The following RASGEF1C variants were observed in gnomAD, a reference collection of about 807,000 sequenced individuals.
RASGEF1C encodes the protein ras-GEF domain-containing family member 1C.
In RASGEF1C, 27 loss-of-function variants were observed where a neutral mutation model predicts 58.1. The ratio of observed to expected loss-of-function variants is 0.46; its 90% CI spans 0.34 to 0.64. The LOEUF is 0.64. Ranked by LOEUF, RASGEF1C falls within the 30% of genes least tolerant of loss-of-function variation. RASGEF1C has a pLI of 0.01. For missense variants in RASGEF1C, 502 were observed against 605.1 expected (o/e 0.83, Z 1.79); for synonymous variants, 243 against 246.3 (o/e 0.99, Z 0.13).
chr5:180,119,817 C>T (rs977561271), intron 7 of RASGEF1C, among the ~76,000 whole-genome samples: 1 of 152,242 alleles, frequency 6.6e-6, no homozygotes, highest in Non-Finnish European at 1.5e-5. Flanking sequence ...TGGGCTTTCT[C>T]CTCTCACTGG....
rs963321089 is a variant in RASGEF1C, at chr5:180,137,045, C to T, written c.301-530G>A. On this transcript the variant is annotated intron_variant, in intron 3 of 13. Transcript: ENST00000361132. The surrounding 1 kb of genome is among the most constrained non-coding windows in gnomAD (Gnocchi z 4.1). ...CAGCCAGCCCGAGGGAGGCCAGCCC[C>T]GGGAAGCGGCAGCAGAGGGCGGGAG... is the stretch of plus-strand genomic sequence containing the variant. Among the ~76,000 whole-genome samples, 3 of 152,266 alleles carry T rather than the reference C, an allele frequency of 2.0e-5. No individual in the cohort carries two copies. The highest frequency in any genetic ancestry group is 7.2e-5 in the African/African-American group (3 of 41,546).
At chr5:180,127,790 C>G in intron 5 of RASGEF1C, 107 bp from the exon 6 acceptor site, 1 of 980,186 alleles carries the variant, frequency 1.0e-6, no homozygotes, top group Non-Finnish European at 1.5e-6. Context: ...TCACAACAGT[C>G]ACTCTGCAAC....
intron 1 of RASGEF1C, among the ~76,000 whole-genome samples, chr5:180,173,659 AG>A (rs1241963260): frequency 6.6e-6 from 1 of 152,098 alleles, no homozygotes; most frequent in Non-Finnish European, 1.5e-5. Flanking sequence ...TCCCGCCTGT[AG>A]TCCCAGCACT....
At chr5:180,111,293 G>A (rs1368641855) in intron 12 of RASGEF1C, among the ~76,000 whole-genome samples, 164 bp downstream of exon 12, 1 of 152,138 alleles carries the variant, frequency 6.6e-6, no homozygotes, top group Non-Finnish European at 1.5e-5. Context: ...GAGTGGCAAT[G>A]GGCCAGCCAG....
chr5:180,178,265 AC>A (rs1292131598), intron 1 of RASGEF1C, among the ~76,000 whole-genome samples: 1 of 100,854 alleles, frequency 9.9e-6, no homozygotes, highest in African/African-American at 4.0e-5. Context: ...GAGCCACTGC[AC>A]CCGGCTGGCT....
At chr5:180,206,735 C>T (rs1283783600) in intron 1 of RASGEF1C, among the ~76,000 whole-genome samples, 4 of 152,112 alleles carry the variant, frequency 2.6e-5, no homozygotes, top group Non-Finnish European at 5.9e-5. Flanking sequence ...AGCCACAGAA[C>T]GAAATACTAT....
At chr5:180,199,776 C>T (rs1756350185) in intron 1 of RASGEF1C, among the ~76,000 whole-genome samples, 1 of 151,384 alleles carries the variant, frequency 6.6e-6, no homozygotes, top group South Asian at 2.1e-4. Flanking sequence ...GCGATTCTCC[C>T]ACCACAGCCT....
At chr5:180,191,931 G>T (rs1756171400) in intron 1 of RASGEF1C, among the ~76,000 whole-genome samples, 1 of 152,176 alleles carries the variant, frequency 6.6e-6, no homozygotes, top group Non-Finnish European at 1.5e-5. Context: ...CACGCTCACT[G>T]GTTGTTGGCA....
chr5:180,125,608 C>G (rs1029321705), intron 6 of RASGEF1C, among the ~76,000 whole-genome samples: 6 of 152,010 alleles, frequency 3.9e-5, no homozygotes, highest in African/African-American at 9.7e-5. Context: ...CATGGAGAAC[C>G]CTTGTCTCTA....
intron 1 of RASGEF1C, among the ~76,000 whole-genome samples, chr5:180,139,817 C>A (rs10903248): frequency 2.6e-5 from 4 of 152,140 alleles, no homozygotes; most frequent in Non-Finnish European, 5.9e-5. Context: ...TGCCCAGGGC[C>A]CGGCAGCTCA....
chr5:180,118,761 C>G, intron 9 of RASGEF1C, 26 bp downstream of exon 9: 1 of 1,613,916 alleles, frequency 6.2e-7, no homozygotes, highest in African/African-American at 1.3e-5. Context: ...GCCGGAGGCA[C>G]CCGGCAGCCC....
At chr5:180,176,749 G>A (rs1036621538) in intron 1 of RASGEF1C, among the ~76,000 whole-genome samples, 18 of 152,010 alleles carry the variant, frequency 1.2e-4, no homozygotes, top group Non-Finnish European at 2.2e-4. Flanking sequence ...GTAGAGATGG[G>A]GTTTCACCAT....
At chr5:180,113,667 C>T (rs1199754886) in intron 11 of RASGEF1C, among the ~76,000 whole-genome samples, 1 of 94,506 alleles carries the variant, frequency 1.1e-5, no homozygotes, top group Non-Finnish European at 2.1e-5. Flanking sequence ...ACGGAGGGAC[C>T]GGGGATGGAT....
At chr5:180,160,255 C>T (rs1766918671) in intron 1 of RASGEF1C, among the ~76,000 whole-genome samples, 4 of 152,178 alleles carry the variant, frequency 2.6e-5, no homozygotes, top group Admixed American at 6.5e-5. Flanking sequence ...TGAGGAGTAG[C>T]CAGGGGTCCC....
intron 6 of RASGEF1C, 36 bp from the exon 7 acceptor site, chr5:180,121,185 G>A: frequency 7.0e-7 from 1 of 1,438,466 alleles, no homozygotes; most frequent in Non-Finnish European, 9.8e-7. Flanking sequence ...CACGTTCTGA[G>A]CCTTTTTGTC....
intron 1 of RASGEF1C, among the ~76,000 whole-genome samples, chr5:180,176,595 C>T (rs1418923966): frequency 8.1e-5 from 12 of 147,690 alleles, no homozygotes; most frequent in African/African-American, 1.7e-4. Flanking sequence ...CTTGCTCTGT[C>T]GCCCAGGCTG....
At chr5:180,204,033 G>A (rs1301720671) in intron 1 of RASGEF1C, among the ~76,000 whole-genome samples, 1 of 137,686 alleles carries the variant, frequency 7.3e-6, no homozygotes, top group African/African-American at 2.7e-5. Context: ...CAACAACAAA[G>A]TGAAATCTGG....
At chr5:180,163,512 T>C (rs1766977666) in intron 1 of RASGEF1C, among the ~76,000 whole-genome samples, 1 of 152,118 alleles carries the variant, frequency 6.6e-6, no homozygotes, top group African/African-American at 2.4e-5. Context: ...TCAATGCTTT[T>C]TCTGCATCAA....
chr5:180,123,105 AAAG>A (rs1766202471), intron 6 of RASGEF1C, among the ~76,000 whole-genome samples: 1 of 152,242 alleles, frequency 6.6e-6, no homozygotes, highest in African/African-American at 2.4e-5. Context: ...AGGCAACAAA[AAAG>A]ACCCTGAGGC....
Sources: allele counts gnomAD v4.1 joint callset (sites outside exome capture counted in the v4.1 genomes callset), GRCh38; gene constraint gnomAD v4.1.1; non-coding constraint Gnocchi (gnomAD v3.1); transcripts MANE v1.5; gene names NCBI Gene and HGNC (gene_info 2026-07-23, HGNC 2026-07-21).